The following XRN1 variants were observed in gnomAD, a reference collection of about 807,000 sequenced individuals.
XRN1 encodes the protein 5'-3' exoribonuclease 1, also known as strand-exchange protein 1 homolog.
Under a neutral mutation model 222.3 loss-of-function variants are expected in XRN1, and 67 were observed. The ratio of observed to expected loss-of-function variants is 0.30; its 90% CI spans 0.25 to 0.37. XRN1 has a LOEUF of 0.37. Among genes scored for constraint, XRN1 ranks in the 10% least tolerant of loss-of-function variants. The pLI is 1.00. For synonymous variants in XRN1, 643 were observed against 652.4 expected (o/e 0.99, Z 0.22); for missense variants, 1,707 against 2,000.2 (o/e 0.85, Z 2.80).
At chr3:142,359,730 T>C in intron 30 of XRN1, 132 bp downstream of exon 30, 1 of 578,660 alleles carries the variant, frequency 1.7e-6, no homozygotes, top group Non-Finnish European at 2.9e-6. Flanking sequence ...CCTTATTCAG[T>C]GTTACATCCC....
At chr3:142,350,392 G>C (rs1262750947) in intron 32 of XRN1, among the ~76,000 whole-genome samples, 1 of 152,134 alleles carries the variant, frequency 6.6e-6, no homozygotes, top group Non-Finnish European at 1.5e-5. Context: ...CATTATGGCT[G>C]TAGCAAAAAT....
Position 142,307,441 on chromosome 3 carries a change from C to T in XRN1, c.*4070G>A, listed in dbSNP as rs1447850389. ...CTTTTGGAAACCATAGTCTCCTTCACAAATTGCACTTGAGATGGCTGAATG... is the reference window on the plus strand; with the variant it reads ...CTTTTGGAAACCATAGTCTCCTTCATAAATTGCACTTGAGATGGCTGAATG... On this transcript the variant is annotated 3_prime_UTR_variant, in exon 41 of 41. Coordinates refer to ENST00000392981, the MANE Select transcript of XRN1 (RefSeq NM_001282857.2). The T allele has an allele frequency of 6.6e-6, 1 of 152,084 alleles. No homozygotes were observed. Among genetic ancestry groups the T allele is most frequent in the Non-Finnish European group, 1.5e-5 (1 of 68,006 alleles). The allele number at this position is 152,084 out of a possible 1,614,324, so 9.4% of individuals were successfully genotyped here.
chr3:142,361,907 T>TA (rs2066643396), intron 29 of XRN1, among the ~76,000 whole-genome samples: 1 of 150,870 alleles, frequency 6.6e-6, no homozygotes, highest in Non-Finnish European at 1.5e-5. Flanking sequence ...TTTTTTTTTT[T>TA]AATTTCGATG....
At chr3:142,404,107 C>A in intron 16 of XRN1, 118 bp from the exon 17 acceptor site, 1 of 863,188 alleles carries the variant, frequency 1.2e-6, no homozygotes, top group Non-Finnish European at 1.7e-6. Flanking sequence ...AAGAGAATGA[C>A]AATTAGTTCC....
At chr3:142,313,146 T>C (rs1335161083) in intron 39 of XRN1, 1 of 1,612,750 alleles carries the variant, frequency 6.2e-7, no homozygotes, top group East Asian at 2.2e-5. Flanking sequence ...CTGCCCCCAA[T>C]GCATAGTTGC....
Position 142,352,476 on chromosome 3 carries a change from A to G in XRN1, c.3768+2925T>C, listed in dbSNP as rs184348659. Among the ~76,000 whole-genome samples, 368 of 152,144 alleles carry G rather than the reference A, an allele frequency of 2.4e-3. 2 individuals are homozygous for G. Among genetic ancestry groups the G allele is most frequent in the South Asian group, 0.013 (65 of 4,816 alleles). The stretch of plus-strand genomic sequence containing the variant: ...TTATTCTTTAAGTTATGACATATAC[A>G]CTAATTTTTTATGTTTATTTTATTA... On this transcript the variant is annotated intron_variant, in intron 32 of 40. Coordinates refer to ENST00000392981, the MANE Select transcript of XRN1 (RefSeq NM_001282857.2).
chr3:142,441,560 G>T (rs752858811), intron 1 of XRN1, among the ~76,000 whole-genome samples: 12 of 152,264 alleles, frequency 7.9e-5, no homozygotes, highest in African/African-American at 1.7e-4. Context: ...TTGTTTATAG[G>T]TAGTGGCTGC....
Position 142,448,002 on chromosome 3 carries a change from G to A in XRN1, c.-58C>T, listed in dbSNP as rs1397262554. On this transcript the variant is annotated 5_prime_UTR_variant, in exon 1 of 41. Coordinates refer to ENST00000392981, the MANE Select transcript of XRN1 (RefSeq NM_001282857.2). The stretch of plus-strand genomic sequence containing the variant: ...AAACCGAAACCAAACGCCCCGCCGG[G>A]GCTCCGCCGCAGCCTCCGGTCGTCG... 4 of 1,577,172 alleles carry A rather than the reference G, an allele frequency of 2.5e-6. No individual in the cohort carries two copies. Among genetic ancestry groups the A allele is most frequent in the Admixed American group, 3.4e-5 (2 of 59,192 alleles).
chr3:142,354,340 G>C (rs1406555257), intron 32 of XRN1, among the ~76,000 whole-genome samples: 1 of 152,178 alleles, frequency 6.6e-6, no homozygotes, highest in South Asian at 2.1e-4. Context: ...ATGTAAATTA[G>C]TTCAGCCACT....
Position 142,422,722 on chromosome 3 carries a change from T to C in XRN1, c.827A>G (p.Glu276Gly). Residue 276 changes from glutamate (E) to glycine (G), a missense_variant, in exon 8 of 41, where the codon GAA becomes GGA. By Grantham distance (98) the Glu-to-Gly change is moderately conservative. Transcript: ENST00000392981. ...KEKITFKYDI[E>G]RIIDDWILMG... ...CAAAATCCAATCATCTATTATCCTT[T>C]CAATATCATATTTAAATGTGATCTT... 2 of 1,611,658 alleles carry C rather than the reference T, an allele frequency of 1.2e-6. No individual in the cohort carries two copies. The highest frequency in any genetic ancestry group is 1.7e-6 in the Non-Finnish European group (2 of 1,178,740).
intron 15 of XRN1, among the ~76,000 whole-genome samples, chr3:142,409,903 T>C (rs1451242325): frequency 3.3e-5 from 5 of 152,218 alleles, no homozygotes; most frequent in African/African-American, 1.2e-4. Flanking sequence ...TTAAGCAGAA[T>C]CTTTAAGCTT....
At chr3:142,365,253 C>T in intron 28 of XRN1, 57 bp downstream of exon 28, 1 of 1,578,092 alleles carries the variant, frequency 6.3e-7, no homozygotes, top group Non-Finnish European at 8.6e-7. Flanking sequence ...CATCTTTGCT[C>T]CTTCCATGCA....
chr3:142,381,099 C>A lies in XRN1; in HGVS notation c.2617-919G>T, dbSNP rs559612782. ...TGGGTAATAGAGCGAGACTCTGTCT[C>A]CAAAAAAAAAAAGAAAGAAAGAAAA... On this transcript the variant is annotated intron_variant, in intron 22 of 40. Coordinates refer to ENST00000392981, the MANE Select transcript of XRN1 (RefSeq NM_001282857.2). Among the ~76,000 whole-genome samples the A allele has an allele frequency of 7.4e-5, 11 of 148,594 alleles. No individual in the cohort carries two copies. In the South Asian group the frequency reaches 2.3e-3, roughly 31 times the overall value.
At chr3:142,361,669 T>C (rs1448956702) in intron 29 of XRN1, among the ~76,000 whole-genome samples, 1 of 152,226 alleles carries the variant, frequency 6.6e-6, no homozygotes, top group Non-Finnish European at 1.5e-5. Flanking sequence ...TTGGTTTTAA[T>C]TTGTATTTCC....
intron 33 of XRN1, among the ~76,000 whole-genome samples, chr3:142,346,508 G>T (rs1260619031): frequency 6.6e-6 from 1 of 151,034 alleles, no homozygotes; most frequent in East Asian, 1.9e-4. Context: ...TTGAGAAGGG[G>T]TCTCACTCTG....
intron 19 of XRN1, among the ~76,000 whole-genome samples, chr3:142,398,098 T>C (rs1385208884): frequency 6.6e-6 from 1 of 151,790 alleles, no homozygotes; most frequent in African/African-American, 2.4e-5. Context: ...AAAAAAAATA[T>C]GCCAGGTATG....
chr3:142,333,336 A>G (rs1346925113), intron 34 of XRN1, among the ~76,000 whole-genome samples: 2 of 152,174 alleles, frequency 1.3e-5, no homozygotes, highest in South Asian at 2.1e-4. Flanking sequence ...TTAATATTAT[A>G]TTTGGCAGGC....
rs765985231 is a variant in XRN1 at position 142,418,534 on chromosome 3, A to G, written c.1316T>C (p.Met439Thr). The G allele has an allele frequency of 9.3e-6, 15 of 1,611,660 alleles. No homozygotes were observed. The highest frequency in any genetic ancestry group is 1.3e-5 in the African/African-American group (1 of 74,966). Reference sequence around the variant, plus strand: ...TACTACGTCAACCCCCATCTTCGTCATGTAATATGTTCTTTTATATTGTCT... The same window carrying G: ...TACTACGTCAACCCCCATCTTCGTCGTGTAATATGTTCTTTTATATTGTCT... The part of the protein sequence containing the change: ...EFRQYKRTYY[M>T]TKMGVDVVSD... The change falls in exon 12 of 41, where the codon ATG becomes ACG. Residue 439 changes from methionine (M) to threonine (T), a missense_variant. Coordinates refer to ENST00000392981, the MANE Select transcript of XRN1 (RefSeq NM_001282857.2).
At chr3:142,344,538 G>A (rs2066085558) in intron 33 of XRN1, among the ~76,000 whole-genome samples, 1 of 151,958 alleles carries the variant, frequency 6.6e-6, no homozygotes, top group Non-Finnish European at 1.5e-5. Context: ...ATTTGCAGAA[G>A]CCACAAAAAA....
Sources: allele counts gnomAD v4.1 joint callset (sites outside exome capture counted in the v4.1 genomes callset), GRCh38; gene constraint gnomAD v4.1.1; transcripts MANE v1.5; gene names NCBI Gene and HGNC (gene_info 2026-07-23, HGNC 2026-07-21).